The following SLIT2 variants were observed in gnomAD, a reference collection of about 807,000 sequenced individuals.
The protein encoded by SLIT2 is slit guidance ligand 2.
In SLIT2, 41 loss-of-function variants were observed where a neutral mutation model predicts 185.7. The ratio of observed to expected loss-of-function variants is 0.22; its 90% CI spans 0.17 to 0.29. The LOEUF (loss-of-function observed/expected upper bound fraction) is 0.29. SLIT2 is among the 10% of genes least tolerant of loss of function. The pLI is 1.00. For missense variants in SLIT2, 1,571 were observed against 1,909.0 expected, an observed-to-expected ratio of 0.82 and a Z score of 3.30; for synonymous variants, 693 against 680.2, an observed-to-expected ratio of 1.02 and a Z score of -0.29.
chr4:20,544,303 CCTT>C (rs746065811), intron 21 of SLIT2, among the ~76,000 whole-genome samples: 21 of 152,034 alleles, frequency 1.4e-4, no homozygotes, highest in Non-Finnish European at 7.4e-5. Context: ...ATGCTAAATC[CCTT>C]CTTCTACAAT....
chr4:20,296,689 C>G (rs1300364924), intron 4 of SLIT2, among the ~76,000 whole-genome samples: 1 of 152,160 alleles, frequency 6.6e-6, no homozygotes, highest in Admixed American at 6.5e-5. Flanking sequence ...GTGGCACTTT[C>G]TTTTACACTG....
At chr4:20,509,211 A>G (rs1367495850) in intron 9 of SLIT2, among the ~76,000 whole-genome samples, 3 of 151,778 alleles carry the variant, frequency 2.0e-5, no homozygotes, top group African/African-American at 7.3e-5. Flanking sequence ...CGGGCGGGAA[A>G]GTGGAGCTCA....
intron 4 of SLIT2, among the ~76,000 whole-genome samples, chr4:20,290,755 G>GTT (rs11438198): frequency 0.022 from 3,056 of 141,656 alleles, 76 homozygotes; most frequent in Admixed American, 0.076. Flanking sequence ...TGTTTTCATG[G>GTT]TTTTTTTTTT....
chr4:20,383,525 C>G (rs1724696955), intron 4 of SLIT2, among the ~76,000 whole-genome samples: 1 of 152,128 alleles, frequency 6.6e-6, no homozygotes, highest in Admixed American at 6.6e-5. Flanking sequence ...TACCACTAAG[C>G]ACACACTTGA....
intron 4 of SLIT2, among the ~76,000 whole-genome samples, chr4:20,319,504 TTTAC>T (rs1718866210): frequency 6.6e-6 from 1 of 152,090 alleles, no homozygotes; most frequent in African/African-American, 2.4e-5. Context: ...CATATTGATT[TTTAC>T]TTTGAAAAAA....
chr4:20,616,886 C>A (rs1729696219), intron 34 of SLIT2, 24 bp from the exon 35 acceptor site: 1 of 1,570,460 alleles, frequency 6.4e-7, no homozygotes, highest in Non-Finnish European at 8.7e-7. Flanking sequence ...AGAGCCTGAC[C>A]TCTGACCTGG....
rs892728616 is a variant in SLIT2 at position 20,619,071 on chromosome 4, A to T, written c.*62A>T. ...TATACTTCTTGACCGTGTGGGACTA[A>T]TGAATGCTTCATAGTGGAAATATTT... is the stretch of plus-strand genomic sequence containing the variant. On this transcript the variant is annotated 3_prime_UTR_variant, in exon 37 of 37. Coordinates refer to ENST00000504154, the MANE Select transcript of SLIT2 (RefSeq NM_004787.4). 7 of 1,485,712 alleles carry T rather than the reference A, an allele frequency of 4.7e-6. No individual in the cohort carries two copies. In the African/African-American group the frequency reaches 9.7e-5, roughly 21 times the overall value. 92.0% of individuals were successfully genotyped at this position (1,485,712 alleles called of 1,614,324 possible). A position where few individuals can be genotyped will look rare whatever the true frequency, so the allele number is the denominator to read the frequency against.
At chr4:20,496,095 G>T (rs552586827) in intron 9 of SLIT2, among the ~76,000 whole-genome samples, 28 of 152,180 alleles carry the variant, frequency 1.8e-4, no homozygotes, top group African/African-American at 5.8e-4. Context: ...ATTCTCCACT[G>T]TGTGATATGT....
chr4:20,368,044 A>G (rs1409628970), intron 4 of SLIT2, among the ~76,000 whole-genome samples: 1 of 152,086 alleles, frequency 6.6e-6, no homozygotes, highest in African/African-American at 2.4e-5. Context: ...AAAACTCAAT[A>G]GTTGTGTACA....
Position 20,610,074 on chromosome 4 carries a change from C to A in SLIT2, c.3754C>A (p.Leu1252Ile). The A allele has an allele frequency of 6.2e-7, 1 of 1,613,680 alleles. No homozygotes were observed. Among genetic ancestry groups the A allele is most frequent in the Non-Finnish European group, 8.5e-7 (1 of 1,179,704 alleles). Residue 1252 changes from leucine (L) to isoleucine (I), a missense_variant, in exon 34 of 37, where the codon CTC (leucine) becomes ATC (isoleucine). Leu to Ile is a conservative substitution (Grantham distance 5). Transcript: ENST00000504154. Reference protein sequence around the residue: ...IVELLALDQSLSLSVDGGNPK... With the variant: ...IVELLALDQSISLSVDGGNPK... Reference sequence around the variant, plus strand: ...GGAACTACTTGCCTTGGATCAGAGTCTCTCTTTGTCCGTGGATGGTGGGAA... The same window carrying A: ...GGAACTACTTGCCTTGGATCAGAGTATCTCTTTGTCCGTGGATGGTGGGAA...
chr4:20,291,488 ATATATTTTTTTTTTTTTTTTTT>A (rs1424081328), intron 4 of SLIT2, among the ~76,000 whole-genome samples: 5 of 10,264 alleles, frequency 4.9e-4, no homozygotes, highest in Non-Finnish European at 6.5e-4. Context: ...ATATATATAT[ATATATTTTTTTTTTTTTTTTTT>A]TTTTTTTTTT....
intron 4 of SLIT2, among the ~76,000 whole-genome samples, chr4:20,376,003 G>A (rs549021204): frequency 9.4e-5 from 14 of 148,454 alleles, no homozygotes; most frequent in Non-Finnish European, 1.6e-4. Context: ...AGAGATTTAG[G>A]AATTTATTCA....
At chr4:20,280,046 T>G (rs1714570478) in intron 4 of SLIT2, among the ~76,000 whole-genome samples, 1 of 152,082 alleles carries the variant, frequency 6.6e-6, no homozygotes, top group Non-Finnish European at 1.5e-5. Flanking sequence ...GCCAAAAGGC[T>G]TTTACAGCTG....
intron 33 of SLIT2, among the ~76,000 whole-genome samples, chr4:20,605,410 G>T (rs983218361): frequency 1.1e-4 from 16 of 152,176 alleles, no homozygotes; most frequent in Non-Finnish European, 1.3e-4. Context: ...CAGGAAATAG[G>T]TGAGCGTAGT....
At chr4:20,533,336 C>G (rs1577872696) in intron 17 of SLIT2, 3 of 507,186 alleles carry the variant, frequency 5.9e-6, no homozygotes, top group Admixed American at 7.2e-5. Flanking sequence ...TCCTGGAGAC[C>G]CTTGGAGAGT....
rs1157909916 is a variant in SLIT2, at chr4:20,620,038, C to T, written c.*1029C>T. 5.8e-6 allele frequency: 1 copy of T among 173,590 alleles called. No individual in the cohort carries two copies. Among genetic ancestry groups the T allele is most frequent in the Admixed American group, 5.8e-5 (1 of 17,194 alleles). 10.8% of individuals were successfully genotyped at this position (173,590 alleles called of 1,614,324 possible). ...AATGACCTACTGGCCTCATTCAGGA[C>T]ACCTGCAGAGAGTATGCAAAGTCCG... is the stretch of plus-strand genomic sequence containing the variant. On this transcript the variant is annotated 3_prime_UTR_variant, in exon 37 of 37. Transcript: ENST00000504154.
chr4:20,594,037 T>C (rs1727736416), intron 30 of SLIT2, among the ~76,000 whole-genome samples: 1 of 147,198 alleles, frequency 6.8e-6, no homozygotes, highest in African/African-American at 2.6e-5. Context: ...TATGTGTATA[T>C]ATGTACATAT....
chr4:20,429,606 T>C (rs1184650915), intron 4 of SLIT2, among the ~76,000 whole-genome samples: 2 of 152,110 alleles, frequency 1.3e-5, no homozygotes, highest in Admixed American at 6.6e-5. Context: ...AAGAGGGTCA[T>C]GGGATGGAGT....
intron 33 of SLIT2, among the ~76,000 whole-genome samples, chr4:20,603,935 A>G (rs754422228): frequency 7.9e-5 from 12 of 152,364 alleles, no homozygotes; most frequent in Non-Finnish European, 1.3e-4. Flanking sequence ...GCCATATGGA[A>G]AGTTCCCCCT....
Sources: gnomAD v4.1 joint callset for allele counts (sites outside exome capture counted in the v4.1 genomes callset) on GRCh38, gnomAD v4.1.1 for gene constraint, MANE v1.5 for transcripts, NCBI Gene and HGNC (gene_info 2026-07-23, HGNC 2026-07-21) for gene names.